ZSWIM6: variants seen among roughly 807,000 people sequenced by gnomAD.
ZSWIM6 encodes zinc finger SWIM-type containing 6, also known as zinc finger SWIM domain-containing protein 6.
In ZSWIM6, 9 loss-of-function variants were observed where a neutral mutation model predicts 113.2. The observed-to-expected ratio is 0.08, with a 90% CI of 0.05 to 0.14. The LOEUF is 0.14. Ranked by LOEUF, ZSWIM6 falls within the 10% of genes least tolerant of loss-of-function variation. The pLI, the probability that ZSWIM6 is intolerant of heterozygous loss-of-function variation, is 1.00. For missense variants in ZSWIM6, 1,162 were observed against 1,552.2 expected (o/e 0.75, Z 4.22); for synonymous variants, 611 against 606.5 (o/e 1.01, Z -0.11).
intron 9 of ZSWIM6, among the ~76,000 whole-genome samples, chr5:61,534,026 A>T (rs2112281009): frequency 6.6e-6 from 1 of 152,164 alleles, no homozygotes; most frequent in South Asian, 2.1e-4. Flanking sequence ...CACCCTTATG[A>T]CCTCATTTTA....
intron 1 of ZSWIM6, among the ~76,000 whole-genome samples, chr5:61,442,586 T>G (rs372847354): frequency 1.3e-5 from 2 of 152,210 alleles, no homozygotes; most frequent in Non-Finnish European, 2.9e-5. Context: ...TTGGCCTGAT[T>G]AGTCATGTGA....
intron 4 of ZSWIM6, among the ~76,000 whole-genome samples, chr5:61,504,811 A>G (rs894722224): frequency 6.6e-6 from 1 of 152,170 alleles, no homozygotes; most frequent in African/African-American, 2.4e-5. Context: ...GATGGTGGAC[A>G]GTTGAATAGG....
intron 1 of ZSWIM6, among the ~76,000 whole-genome samples, chr5:61,409,499 T>A (rs1260198353): frequency 6.6e-6 from 1 of 152,210 alleles, no homozygotes; most frequent in East Asian, 1.9e-4. Context: ...TACTGCTGAT[T>A]TTCAGCCTTT....
intron 1 of ZSWIM6, among the ~76,000 whole-genome samples, chr5:61,444,998 C>A (rs766107430): frequency 4.1e-4 from 62 of 152,176 alleles, no homozygotes; most frequent in Non-Finnish European, 2.4e-4. Flanking sequence ...ATTTATTCTG[C>A]AGAAACCCTA....
Position 61,494,263 on chromosome 5 carries a change from C to A in ZSWIM6, c.1186C>A (p.Arg396=). Residue 396 remains arginine, a synonymous_variant, in exon 4 of 14, where the codon CGG becomes AGG. Coordinates refer to ENST00000252744, the MANE Select transcript of ZSWIM6 (RefSeq NM_020928.2). Reference sequence around the variant, plus strand: ...AAGGTCTGTTTTTCCCCATTAGGTGCGGGAGATGTTAAAGATGAGGGACTC... The same window carrying A: ...AAGGTCTGTTTTTCCCCATTAGGTGAGGGAGATGTTAAAGATGAGGGACTC... ...KQLNLLFAKV[R]EMLKMRDSNG... is the part of the protein sequence containing the mutation. 1.3e-6 allele frequency: 2 copies of A among 1,550,388 alleles called. No homozygotes were observed. The highest frequency in any genetic ancestry group is 1.7e-6 in the Non-Finnish European group (2 of 1,146,200).
intron 1 of ZSWIM6, among the ~76,000 whole-genome samples, chr5:61,460,744 ATCATAATATATAATGT>A (rs1580007544): frequency 1.3e-5 from 2 of 152,166 alleles, no homozygotes; most frequent in South Asian, 4.1e-4. Flanking sequence ...GTTGTTGAGT[ATCATAATATATAATGT>A]TCATAATATA....
intron 1 of ZSWIM6, among the ~76,000 whole-genome samples, chr5:61,392,389 A>G (rs1420155167): frequency 6.6e-6 from 1 of 152,230 alleles, no homozygotes; most frequent in Non-Finnish European, 1.5e-5. Context: ...TTAAATGATT[A>G]TATGAAAATC....
intron 1 of ZSWIM6, among the ~76,000 whole-genome samples, chr5:61,433,435 C>T (rs561223861): frequency 6.6e-6 from 1 of 150,840 alleles, no homozygotes; most frequent in Non-Finnish European, 1.5e-5. Context: ...ATAGCTTAGC[C>T]TCTTGACCAC....
chr5:61,485,149 G>C (rs1747982996), intron 2 of ZSWIM6, among the ~76,000 whole-genome samples: 1 of 152,100 alleles, frequency 6.6e-6, no homozygotes, highest in Non-Finnish European at 1.5e-5. Flanking sequence ...AAGCAATGGT[G>C]AGCAGGGCAG....
intron 1 of ZSWIM6, among the ~76,000 whole-genome samples, chr5:61,445,316 A>G (rs1183842777): frequency 6.6e-6 from 1 of 152,226 alleles, no homozygotes. Context: ...ACAAAGAACA[A>G]GCAAACAATA....
At chr5:61,390,955 TAGTC>T in intron 1 of ZSWIM6, 1 of 764,282 alleles carries the variant, frequency 1.3e-6, no homozygotes, top group Non-Finnish European at 2.4e-6. Flanking sequence ...AGACAGGTCA[TAGTC>T]AGTGGAGGCA....
At chr5:61,414,002 A>G (rs915952387) in intron 1 of ZSWIM6, among the ~76,000 whole-genome samples, 4 of 152,118 alleles carry the variant, frequency 2.6e-5, no homozygotes, top group African/African-American at 9.7e-5. Flanking sequence ...TGTGAGTTGT[A>G]GAGCAGAGCA....
chr5:61,512,034 G>A (rs539168676), intron 4 of ZSWIM6, among the ~76,000 whole-genome samples: 6 of 152,068 alleles, frequency 3.9e-5, no homozygotes, highest in African/African-American at 1.2e-4. Context: ...ATTTTTTAGT[G>A]TACAGTTTTG....
At chr5:61,531,379 G>A (rs1749424432) in intron 8 of ZSWIM6, 86 bp from the exon 9 acceptor site, 1 of 1,422,118 alleles carries the variant, frequency 7.0e-7, no homozygotes, top group Admixed American at 2.5e-5. Flanking sequence ...TCATTTGCTT[G>A]TACGGGGAAG....
intron 1 of ZSWIM6, among the ~76,000 whole-genome samples, chr5:61,408,582 C>T (rs1281673053): frequency 6.6e-6 from 1 of 152,134 alleles, no homozygotes; most frequent in Non-Finnish European, 1.5e-5. Flanking sequence ...TATATTAAAA[C>T]CCTATGGGAG....
chr5:61,531,329 A>G, intron 8 of ZSWIM6, 136 bp from the exon 9 acceptor site: 1 of 1,092,220 alleles, frequency 9.2e-7, no homozygotes, highest in Middle Eastern at 2.6e-4. Context: ...CTTTAGCCTA[A>G]AAAACATGTT....
chr5:61,370,095 G>A (rs964680161), intron 1 of ZSWIM6, among the ~76,000 whole-genome samples: 5 of 151,958 alleles, frequency 3.3e-5, no homozygotes, highest in Admixed American at 2.6e-4. Context: ...TTTTTCTTTT[G>A]CATCCTCTGT....
rs1744444312 is a variant in ZSWIM6 at position 61,338,135 on chromosome 5, T to C, written c.676+5187T>C. On this transcript the variant is annotated intron_variant, in intron 1 of 13. Coordinates refer to ENST00000252744, the MANE Select transcript of ZSWIM6 (RefSeq NM_020928.2). ...TCTGGTAAACACATTCTTACACTCT[T>C]TTCATATTCATAACTTAAAGTTTTG... Among the ~76,000 whole-genome samples the C allele has an allele frequency of 2.0e-5, 3 of 150,284 alleles. No homozygotes were observed. In the South Asian group the frequency reaches 6.3e-4, roughly 32 times the overall value.
chr5:61,451,773 T>C (rs989893979), intron 1 of ZSWIM6, among the ~76,000 whole-genome samples: 1 of 152,192 alleles, frequency 6.6e-6, no homozygotes, highest in Admixed American at 6.5e-5. Context: ...TTTTCTAGAT[T>C]CATTCAAGAA....
Sources: gnomAD v4.1 joint callset for allele counts (sites outside exome capture counted in the v4.1 genomes callset) on GRCh38, gnomAD v4.1.1 for gene constraint, MANE v1.5 for transcripts, NCBI Gene and HGNC (gene_info 2026-07-23, HGNC 2026-07-21) for gene names.